Variants in REDIC1 observed in about 807,000 individuals in gnomAD.
REDIC1 encodes the protein regulator of DNA class I crossover intermediates 1.
At chr12:39,640,218 T>C in the REDIC1 span, among the ~76,000 whole-genome samples, 2 of 151,796 alleles carry the variant, frequency 1.3e-5, no homozygotes, top group Non-Finnish European at 2.9e-5. Context: ...TTCAGATTCA[T>C]ACCCTTGTGA....
At chr12:39,756,438 T>A in the REDIC1 span, 1 of 145,634 alleles carries the variant, frequency 6.9e-6, no homozygotes. Flanking sequence ...TAAAAAAAAA[T>A]CTGATTATAA....
At chr12:39,704,535 C>T in the REDIC1 span, among the ~76,000 whole-genome samples, 2 of 152,138 alleles carry the variant, frequency 1.3e-5, no homozygotes, top group African/African-American at 4.8e-5. Flanking sequence ...GGATCTAGAA[C>T]TAGAAATACC....
chr12:39,655,064 A>G, the REDIC1 span, among the ~76,000 whole-genome samples: 5 of 152,200 alleles, frequency 3.3e-5, no homozygotes, highest in South Asian at 1.0e-3. Context: ...TTTCTGTAAG[A>G]TTGGTGTTTA....
chr12:39,633,465 T>C, the REDIC1 span, among the ~76,000 whole-genome samples: 1 of 152,156 alleles, frequency 6.6e-6, no homozygotes, highest in African/African-American at 2.4e-5. Context: ...CCTGAGGCTG[T>C]TCTAAAATTA....
chr12:39,741,089 C>G, the REDIC1 span, among the ~76,000 whole-genome samples: 1 of 152,148 alleles, frequency 6.6e-6, no homozygotes, highest in South Asian at 2.1e-4. Context: ...GTCTCAGCCT[C>G]CCCAGTAGCT....
chr12:39,743,370 C>T, the REDIC1 span, among the ~76,000 whole-genome samples: 1 of 152,154 alleles, frequency 6.6e-6, no homozygotes, highest in Non-Finnish European at 1.5e-5. Context: ...GAATGCTTCC[C>T]CTCCCCTCAT....
the REDIC1 span, chr12:39,764,676 TTATC>T: frequency 1.3e-5 from 20 of 1,589,484 alleles, no homozygotes; most frequent in African/African-American, 1.1e-4. Flanking sequence ...AAATTATAGT[TTATC>T]TACTCCAAAA....
chr12:39,897,042 G>A, the REDIC1 span, among the ~76,000 whole-genome samples: 6 of 152,104 alleles, frequency 3.9e-5, no homozygotes, highest in East Asian at 1.9e-4. Flanking sequence ...CTAACCCTTA[G>A]TTCAATGCTT....
the REDIC1 span, chr12:39,764,461 A>G: frequency 4.5e-6 from 7 of 1,568,676 alleles, no homozygotes; most frequent in East Asian, 6.7e-5. Flanking sequence ...TTATCTTACC[A>G]TAGTATGTAA....
the REDIC1 span, among the ~76,000 whole-genome samples, chr12:39,827,372 C>T: frequency 6.6e-6 from 1 of 152,104 alleles, no homozygotes; most frequent in African/African-American, 2.4e-5. Context: ...CCAGTCTAGC[C>T]AGATTTTTTC....
the REDIC1 span, among the ~76,000 whole-genome samples, chr12:39,690,079 G>T: frequency 6.6e-6 from 1 of 152,146 alleles, no homozygotes; most frequent in African/African-American, 2.4e-5. Flanking sequence ...CTACCAGAGG[G>T]GCCAAGGCAA....
chr12:39,897,368 C>T, the REDIC1 span, among the ~76,000 whole-genome samples: 1 of 152,174 alleles, frequency 6.6e-6, no homozygotes, highest in African/African-American at 2.4e-5. Flanking sequence ...CCTTCTTTAA[C>T]AGACAGCTGT....
chr12:39,818,392 C>T, the REDIC1 span, among the ~76,000 whole-genome samples: 1 of 152,116 alleles, frequency 6.6e-6, no homozygotes, highest in Non-Finnish European at 1.5e-5. Context: ...GCAAAAATGT[C>T]CACTGCTACC....
At chr12:39,750,072 A>T in the REDIC1 span, among the ~76,000 whole-genome samples, 1 of 152,242 alleles carries the variant, frequency 6.6e-6, no homozygotes, top group Non-Finnish European at 1.5e-5. Flanking sequence ...GGCCAGGGCA[A>T]TCAGGCAGGA....
At chr12:39,725,607 T>G in the REDIC1 span, among the ~76,000 whole-genome samples, 1 of 152,136 alleles carries the variant, frequency 6.6e-6, no homozygotes, top group African/African-American at 2.4e-5. Flanking sequence ...ACGTGTTCTC[T>G]CATTTCCTTC....
At chr12:39,726,075 T>C in the REDIC1 span, among the ~76,000 whole-genome samples, 8 of 152,082 alleles carry the variant, frequency 5.3e-5, no homozygotes, top group African/African-American at 1.9e-4. Context: ...AGCAAAACTA[T>C]TTTTCCCAGT....
chr12:39,773,396 T>C, the REDIC1 span, among the ~76,000 whole-genome samples: 3 of 152,172 alleles, frequency 2.0e-5, no homozygotes, highest in African/African-American at 7.2e-5. Flanking sequence ...AATCATGGAA[T>C]ACACAGAACT....
chr12:39,869,416 A>G, the REDIC1 span, among the ~76,000 whole-genome samples: 1,861 of 152,320 alleles, frequency 0.012, 33 homozygotes, highest in African/African-American at 0.043. Flanking sequence ...ACAAGAAACC[A>G]GGACTTCCAC....
chr12:39,745,175 T>C, the REDIC1 span, among the ~76,000 whole-genome samples: 3 of 152,208 alleles, frequency 2.0e-5, no homozygotes, highest in Non-Finnish European at 4.4e-5. Flanking sequence ...TTCTTTCACA[T>C]TTGCCTCCAA....
Sources: gnomAD v4.1 joint callset for allele counts (sites outside exome capture counted in the v4.1 genomes callset) on GRCh38, gnomAD v4.1.1 for gene constraint, MANE v1.5 for transcripts, NCBI Gene and HGNC (gene_info 2026-07-23, HGNC 2026-07-21) for gene names.